RBFOX1: variants seen among roughly 807,000 people sequenced by gnomAD.
The protein encoded by RBFOX1 is RNA binding fox-1 homolog 1.
In RBFOX1, 8 loss-of-function variants were observed where a neutral mutation model predicts 57.7. The ratio of observed to expected loss-of-function variants is 0.14; its 90% confidence interval spans 0.08 to 0.25. The LOEUF (loss-of-function observed/expected upper bound fraction) is 0.25, where lower values mean the gene tolerates loss of function less well. Among genes scored for constraint, RBFOX1 ranks in the 10% least tolerant of loss-of-function variants. The pLI is 1.00. For missense variants in RBFOX1, 611 were observed against 548.5 expected, an observed-to-expected ratio of 1.11 and a Z score of -1.14; for synonymous variants, 326 against 222.4, an observed-to-expected ratio of 1.47 and a Z score of -4.15.
chr16:7,205,511 T>C (rs2089756543), intron 4 of RBFOX1, among the ~76,000 whole-genome samples: 1 of 135,128 alleles, frequency 7.4e-6, no homozygotes. Flanking sequence ...AGACTCTGTC[T>C]CAGGAAAAAA....
chr16:7,415,728 C>T (rs1221815523), intron 4 of RBFOX1, among the ~76,000 whole-genome samples: 2 of 152,174 alleles, frequency 1.3e-5, no homozygotes, highest in Non-Finnish European at 2.9e-5. Flanking sequence ...ACCATTTCTT[C>T]TCTACCCAGC....
At chr16:6,891,071 T>C (rs2065299764) in intron 3 of RBFOX1, among the ~76,000 whole-genome samples, 1 of 152,192 alleles carries the variant, frequency 6.6e-6, no homozygotes, top group African/African-American at 2.4e-5. Context: ...CCCTTCACAA[T>C]TGTTTGTTGA....
intron 3 of RBFOX1, among the ~76,000 whole-genome samples, chr16:6,853,469 G>A (rs1250796715): frequency 6.6e-6 from 1 of 152,130 alleles, no homozygotes; most frequent in African/African-American, 2.4e-5. Context: ...TCCTGATGGA[G>A]GATGGTGCCT....
chr16:7,460,417 G>GTA (rs1167933227), intron 4 of RBFOX1, among the ~76,000 whole-genome samples: 12 of 125,420 alleles, frequency 9.6e-5, no homozygotes, highest in South Asian at 5.2e-4. Context: ...GTGTGTGTGT[G>GTA]TATATACATA....
intron 3 of RBFOX1, among the ~76,000 whole-genome samples, chr16:6,990,749 G>A (rs2091288619): frequency 6.6e-6 from 1 of 152,100 alleles, no homozygotes. Flanking sequence ...GGTCTTCCAT[G>A]ATCTTCCATG....
At chr16:6,870,394 G>T (rs1048012125) in intron 3 of RBFOX1, among the ~76,000 whole-genome samples, 3 of 152,078 alleles carry the variant, frequency 2.0e-5, no homozygotes, top group Non-Finnish European at 2.9e-5. Context: ...TTTGCATTTG[G>T]ATTGTTTCAG....
At chr16:6,923,503 A>C (rs1055222625) in intron 3 of RBFOX1, among the ~76,000 whole-genome samples, 3 of 152,210 alleles carry the variant, frequency 2.0e-5, no homozygotes, top group African/African-American at 7.2e-5. Flanking sequence ...ACTGCACTCC[A>C]GCCTGGATGA....
intron 3 of RBFOX1, among the ~76,000 whole-genome samples, chr16:6,901,703 G>A (rs954707558): frequency 6.6e-6 from 1 of 152,162 alleles, no homozygotes; most frequent in African/African-American, 2.4e-5. Flanking sequence ...GAGATAATTT[G>A]TTACATGGAA....
chr16:7,297,529 T>G (rs1164147679), intron 4 of RBFOX1, among the ~76,000 whole-genome samples: 1 of 152,190 alleles, frequency 6.6e-6, no homozygotes, highest in Non-Finnish European at 1.5e-5. Flanking sequence ...GCTATGTAGC[T>G]TAGTCCATTC....
intron 3 of RBFOX1, among the ~76,000 whole-genome samples, chr16:6,802,170 TG>T (rs898125676): frequency 1.3e-5 from 2 of 150,882 alleles, no homozygotes; most frequent in African/African-American, 5.0e-5. Flanking sequence ...CAATTCTGGG[TG>T]GGCTTTGGTT....
chr16:6,143,051 A>G (rs1050881634), intron 1 of RBFOX1, among the ~76,000 whole-genome samples: 1 of 152,196 alleles, frequency 6.6e-6, no homozygotes, highest in African/African-American at 2.4e-5. Context: ...TGTTAAGTGC[A>G]TGAGTTCATG....
chr16:6,842,012 G>C (rs533861011), intron 3 of RBFOX1, among the ~76,000 whole-genome samples: 1 of 151,666 alleles, frequency 6.6e-6, no homozygotes, highest in African/African-American at 2.4e-5. Flanking sequence ...GCGTGGTGGC[G>C]GGCGCCTGTA....
intron 1 of RBFOX1, among the ~76,000 whole-genome samples, chr16:5,341,063 C>T (rs923792102): frequency 2.9e-4 from 44 of 152,260 alleles, no homozygotes; most frequent in African/African-American, 8.4e-4. Context: ...GGCAGAGAGA[C>T]TAGCCAGTGC....
intron 4 of RBFOX1, among the ~76,000 whole-genome samples, chr16:7,323,657 A>G (rs1038151540): frequency 6.6e-6 from 1 of 152,212 alleles, no homozygotes; most frequent in Non-Finnish European, 1.5e-5. Context: ...AATGTACTAG[A>G]TGGAACAGAC....
intron 3 of RBFOX1, among the ~76,000 whole-genome samples, chr16:6,727,050 A>AATACACACACACACACAC: frequency 7.4e-6 from 1 of 135,872 alleles, no homozygotes; most frequent in East Asian, 2.3e-4. Flanking sequence ...ATTTGGACTG[A>AATACACACACACACACAC]ACACACACAC....
chr16:6,989,779 C>A (rs899338334), intron 3 of RBFOX1, among the ~76,000 whole-genome samples: 1 of 152,110 alleles, frequency 6.6e-6, no homozygotes, highest in South Asian at 2.1e-4. Flanking sequence ...GCAGGTGGAT[C>A]ACCTGAGGTC....
intron 3 of RBFOX1, among the ~76,000 whole-genome samples, chr16:6,866,416 C>A (rs1038075993): frequency 5.3e-5 from 8 of 151,796 alleles, no homozygotes; most frequent in Non-Finnish European, 8.8e-5. Context: ...CCATCATCTC[C>A]ATGACTTCTA....
chr16:6,734,544 C>A (rs921557340), intron 3 of RBFOX1, among the ~76,000 whole-genome samples: 9 of 150,654 alleles, frequency 6.0e-5, no homozygotes, highest in Non-Finnish European at 8.9e-5. Flanking sequence ...ACAAATGGCC[C>A]AACTAGGAGT....
chr16:6,022,795 C>G (rs1567277067), intron 1 of RBFOX1, among the ~76,000 whole-genome samples: 1 of 152,192 alleles, frequency 6.6e-6, no homozygotes, highest in Admixed American at 6.5e-5. Flanking sequence ...CACACATTTG[C>G]CCATAAATGA....
Sources: gnomAD v4.1 joint callset for allele counts (sites outside exome capture counted in the v4.1 genomes callset) on GRCh38, gnomAD v4.1.1 for gene constraint, MANE v1.5 for transcripts, NCBI Gene and HGNC (gene_info 2026-07-23, HGNC 2026-07-21) for gene names.